MTUS2: variants seen among roughly 807,000 people sequenced by gnomAD.
The protein encoded by MTUS2 is microtubule-associated tumor suppressor candidate 2.
Under a neutral mutation model 114.1 loss-of-function variants are expected in MTUS2, and 40 were observed. The observed-to-expected ratio is 0.35, with a 90% CI of 0.27 to 0.46. The LOEUF (loss-of-function observed/expected upper bound fraction) is 0.46. Ranked by LOEUF, MTUS2 falls within the 20% of genes least tolerant of loss-of-function variation. The pLI, the probability that MTUS2 is intolerant of heterozygous loss-of-function variation, is 1.00. For synonymous variants in MTUS2, 688 were observed against 672.0 expected (o/e 1.02, Z -0.37); for missense variants, 1,679 against 1,705.4 (o/e 0.98, Z 0.27).
At chr13:29,403,463 G>T (rs931883145) in intron 8 of MTUS2, among the ~76,000 whole-genome samples, 1 of 152,170 alleles carries the variant, frequency 6.6e-6, no homozygotes, top group Non-Finnish European at 1.5e-5. Flanking sequence ...CAGACATTTG[G>T]TCAAACATTA....
intron 4 of MTUS2, among the ~76,000 whole-genome samples, chr13:29,038,549 C>T (rs1192995984): frequency 1.3e-5 from 2 of 152,230 alleles, no homozygotes; most frequent in Non-Finnish European, 2.9e-5. Context: ...CAGTCTGACC[C>T]TTAGCAGAGC....
At chr13:29,208,762 T>C (rs917826088) in intron 5 of MTUS2, among the ~76,000 whole-genome samples, 3 of 152,172 alleles carry the variant, frequency 2.0e-5, no homozygotes, top group African/African-American at 7.2e-5. Flanking sequence ...TTGGAGGTAA[T>C]TTTTAGTTTT....
intron 2 of MTUS2, among the ~76,000 whole-genome samples, chr13:28,886,445 G>A (rs965474735): frequency 5.3e-5 from 8 of 152,124 alleles, no homozygotes; most frequent in African/African-American, 1.9e-4. Flanking sequence ...TCCAGGCTGA[G>A]CCCACAGGAA....
chr13:29,230,212 C>T (rs776363914), intron 5 of MTUS2, among the ~76,000 whole-genome samples: 2 of 152,004 alleles, frequency 1.3e-5, no homozygotes, highest in African/African-American at 4.8e-5. Flanking sequence ...CGCCACTGCG[C>T]CCCAGCCTGG....
At chr13:28,871,503 G>A (rs1025464477) in intron 2 of MTUS2, among the ~76,000 whole-genome samples, 8 of 152,094 alleles carry the variant, frequency 5.3e-5, no homozygotes, top group African/African-American at 1.9e-4. Flanking sequence ...ATTACAGTGG[G>A]CATCTGTTTC....
At chr13:29,281,615 G>T in intron 5 of MTUS2, 89 bp from the exon 6 acceptor site, 1 of 1,368,692 alleles carries the variant, frequency 7.3e-7, no homozygotes, top group Non-Finnish European at 1.0e-6. Flanking sequence ...AGCAGATGAC[G>T]GCAGTAGGAT....
intron 2 of MTUS2, among the ~76,000 whole-genome samples, chr13:28,991,747 C>A (rs1252410271): frequency 6.6e-6 from 1 of 152,138 alleles, no homozygotes; most frequent in African/African-American, 2.4e-5. Context: ...GAGCTTTAAA[C>A]CTGGCTACTT....
intron 2 of MTUS2, among the ~76,000 whole-genome samples, chr13:28,948,499 C>T (rs1453857366): frequency 6.6e-6 from 1 of 152,136 alleles, no homozygotes; most frequent in Non-Finnish European, 1.5e-5. Flanking sequence ...AGATGGCAGG[C>T]ACCTGCCTGT....
At chr13:29,458,565 ATCTC>A (rs1459611283) in intron 9 of MTUS2, among the ~76,000 whole-genome samples, 1 of 152,002 alleles carries the variant, frequency 6.6e-6, no homozygotes, top group African/African-American at 2.4e-5. Context: ...ACTTTCCATG[ATCTC>A]TCTGATGATC....
chr13:29,359,520 G>A (rs1335047412), intron 8 of MTUS2, 47 bp downstream of exon 8: 1 of 1,561,876 alleles, frequency 6.4e-7, no homozygotes, highest in Non-Finnish European at 8.7e-7. Flanking sequence ...GGTTGGAGGA[G>A]AGTGTGGTGA....
At chr13:29,405,810 G>A (rs535491252) in intron 8 of MTUS2, among the ~76,000 whole-genome samples, 112 of 146,280 alleles carry the variant, frequency 7.7e-4, no homozygotes, top group Admixed American at 2.5e-3. Flanking sequence ...GCGTGATCTC[G>A]GCTCACTGCA....
chr13:28,902,980 T>C (rs1226202019), intron 2 of MTUS2, among the ~76,000 whole-genome samples: 1 of 152,160 alleles, frequency 6.6e-6, no homozygotes, highest in East Asian at 1.9e-4. Context: ...TTTTACCTGA[T>C]GAATTAAACT....
intron 5 of MTUS2, among the ~76,000 whole-genome samples, chr13:29,204,267 G>A (rs1310359677): frequency 1.3e-5 from 2 of 152,174 alleles, no homozygotes; most frequent in Non-Finnish European, 2.9e-5. Flanking sequence ...CATGACTGGA[G>A]CTGCTTCTAT....
rs998118281 is a variant in MTUS2 at position 29,389,267 on chromosome 13, A to G, written c.3117+29794A>G. On this transcript the variant is annotated intron_variant, in intron 8 of 15. Transcript: ENST00000612955. ...TATATATATGTATACACATGTGTGT[A>G]TATATGTATATATGTATACACATAT... Among the ~76,000 whole-genome samples the G allele has an allele frequency of 3.0e-4, 42 of 140,098 alleles. 4 individuals carry two copies. The highest frequency in any genetic ancestry group is 1.2e-3 in the African/African-American group (36 of 31,202). The allele number at this position is 140,098 out of a possible 152,430, so 91.9% of individuals were successfully genotyped here.
chr13:29,083,358 T>G (rs1344362213), intron 4 of MTUS2, among the ~76,000 whole-genome samples: 1 of 152,184 alleles, frequency 6.6e-6, no homozygotes, highest in Non-Finnish European at 1.5e-5. Flanking sequence ...TGAGTGCAGT[T>G]AAGACCTTCC....
rs1319583347 is a variant in MTUS2 at position 29,448,914 on chromosome 13, C to A, written c.3184+8865C>A. On this transcript the variant is annotated intron_variant, in intron 9 of 15. Transcript: ENST00000612955. ...GATTACAGACACGGGCCACCACGCC[C>A]GGCTAGTTTTTGTATTTTTAGTAGA... is the stretch of plus-strand genomic sequence containing the variant. Among the ~76,000 whole-genome samples the A allele has an allele frequency of 2.6e-5, 4 of 151,948 alleles. No individual in the cohort carries two copies. The East Asian group carries it at 7.7e-4, about 29-fold the overall frequency.
intron 9 of MTUS2, among the ~76,000 whole-genome samples, chr13:29,465,526 T>C (rs1340995011): frequency 1.3e-5 from 2 of 152,150 alleles, no homozygotes; most frequent in Non-Finnish European, 2.9e-5. Flanking sequence ...CCCTTAAAAT[T>C]ATAATCTTTG....
rs749593668 is a variant in MTUS2, at chr13:29,263,688, G to A, written c.2645-18016G>A. Among the ~76,000 whole-genome samples the A allele has an allele frequency of 4.9e-4, 75 of 151,954 alleles. 1 individual carries two copies. Among genetic ancestry groups the A allele is most frequent in the Admixed American group, 3.3e-4 (5 of 15,260 alleles). On this transcript the variant is annotated intron_variant, in intron 5 of 15. Transcript: ENST00000612955. ...GCAAGAGAGAGAATCGAGGGGTAGG[G>A]GTAGGTGCCACACACTTTTACAAAA...
chr13:29,165,340 C>T (rs1555246094), intron 5 of MTUS2, among the ~76,000 whole-genome samples: 1 of 152,212 alleles, frequency 6.6e-6, no homozygotes, highest in African/African-American at 2.4e-5. Context: ...GCCACCATCT[C>T]ACCACACGTA....
Sources: allele counts gnomAD v4.1 joint callset (sites outside exome capture counted in the v4.1 genomes callset), GRCh38; gene constraint gnomAD v4.1.1; transcripts MANE v1.5; gene names NCBI Gene and HGNC (gene_info 2026-07-23, HGNC 2026-07-21).